The following ATG2A variants were observed in gnomAD, a reference collection of about 807,000 sequenced individuals.
ATG2A encodes the protein autophagy related 2A, also known as autophagy-related protein 2 homolog A.
In ATG2A, 103 loss-of-function variants were observed where a neutral mutation model predicts 214.2. That is an observed-to-expected ratio of 0.48 (90% confidence interval 0.41 to 0.57). The LOEUF (loss-of-function observed/expected upper bound fraction) is 0.57, where lower values mean the gene tolerates loss of function less well. ATG2A is among the 20% of genes least tolerant of loss of function. The probability of loss-of-function intolerance (pLI) is 0.00; values close to 1 mark genes in which losing one functional copy is unlikely to be tolerated. For missense variants in ATG2A, 2,312 were observed against 2,613.2 expected (o/e 0.88, Z 2.51); for synonymous variants, 1,160 against 1,142.1 (o/e 1.02, Z -0.32).
chr11:64,894,961 G>A lies in ATG2A; in HGVS notation c.*12C>T. On this transcript the variant is annotated 3_prime_UTR_variant, in exon 41 of 41. Coordinates refer to ENST00000377264, the MANE Select transcript of ATG2A (RefSeq NM_015104.3). ...GGTGGGCAGCACCCTCTGGGTGCCG[G>A]GCACCCCAGGCTCAGTCTTGGGCAC... 6.2e-7 allele frequency: 1 copy of A among 1,611,098 alleles called. No individual in the cohort carries two copies. The highest frequency in any genetic ancestry group is 8.5e-7 in the Non-Finnish European group (1 of 1,178,622).
At chr11:64,908,759 A>G (rs577531010) in intron 16 of ATG2A, among the ~76,000 whole-genome samples, 43 of 152,276 alleles carry the variant, frequency 2.8e-4, no homozygotes, top group African/African-American at 8.7e-4. Context: ...GATCTTTCCA[A>G]TCGAGGACCC....
At chr11:64,915,766 G>C (rs1164086791) in intron 1 of ATG2A, among the ~76,000 whole-genome samples, 2 of 152,064 alleles carry the variant, frequency 1.3e-5, no homozygotes, top group Non-Finnish European at 2.9e-5. Flanking sequence ...ATCCCTTCAG[G>C]GGTTCAAGGC....
chr11:64,912,440 C>T lies in ATG2A; in HGVS notation c.826-17G>A, dbSNP rs35018821. The T allele has an allele frequency of 1.3e-3, 1,948 of 1,542,684 alleles. 4 individuals carry two copies. The highest frequency in any genetic ancestry group is 1.3e-3 in the Non-Finnish European group (1,491 of 1,143,930). On this transcript the variant is annotated splice_polypyrimidine_tract_variant and intron_variant, in intron 6 of 40. Coordinates refer to ENST00000377264, the MANE Select transcript of ATG2A (RefSeq NM_015104.3). ...CACCTCCAACTGGGGGCCAAGGAGGCAGCCATGGAGCCTAGGCCCACCACC... is the reference window on the plus strand; with the variant it reads ...CACCTCCAACTGGGGGCCAAGGAGGTAGCCATGGAGCCTAGGCCCACCACC...
rs770184971 is a variant in ATG2A, at chr11:64,898,755, G to A, written c.4552C>T (p.Arg1518Cys). 2.5e-6 allele frequency: 4 copies of A among 1,613,948 alleles called. No individual in the cohort carries two copies. Among genetic ancestry groups the A allele is most frequent in the East Asian group, 2.2e-5 (1 of 44,868 alleles). Residue 1518 changes from arginine (R) to cysteine (C), a missense_variant, in exon 32 of 41, where the codon CGT becomes TGT. Arg to Cys is a radical substitution (Grantham distance 180). Transcript: ENST00000377264. The surrounding 1 kb of genome is among the most constrained non-coding windows in gnomAD (Gnocchi z 4.5). ...SQELEERPLSRQVFIVQELEV... is the reference protein window; with the variant it reads ...SQELEERPLSCQVFIVQELEV... Reference sequence around the variant, plus strand: ...AGCTCCTGCACGATGAACACCTGACGGGACAGCGGTCGCTCCTCCAGCTCC... The same window carrying A: ...AGCTCCTGCACGATGAACACCTGACAGGACAGCGGTCGCTCCTCCAGCTCC...
At chr11:64,907,184 C>T (rs1268680748) in intron 19 of ATG2A, 71 bp downstream of exon 19, 16 of 1,430,786 alleles carry the variant, frequency 1.1e-5, no homozygotes, top group South Asian at 1.5e-5. Context: ...TGGAGCTGCT[C>T]GCGCTGGTCT....
In ATG2A at chr11:64,898,994, A is replaced by G. The variant is rs1590624870; in HGVS notation, c.4465-152T>C. 1.7e-5 allele frequency: 12 copies of G among 689,588 alleles called. No homozygotes were observed. Among genetic ancestry groups the G allele is most frequent in the Non-Finnish European group, 2.9e-5 (12 of 417,192 alleles). 42.7% of individuals were successfully genotyped at this position (689,588 alleles called of 1,614,324 possible). A position where few individuals can be genotyped will look rare whatever the true frequency, so the allele number is the denominator to read the frequency against. On this transcript the variant is annotated intron_variant, in intron 31 of 40. Coordinates refer to ENST00000377264, the MANE Select transcript of ATG2A (RefSeq NM_015104.3). The surrounding 1 kb of genome is among the most constrained non-coding windows in gnomAD (Gnocchi z 4.5). ...AGTGGCGTGATCTCGGCTCACTGCA[A>G]CCTCTGCCTCTCGGGTTCAAGCGAT...
At chr11:64,906,065 G>A (rs768071238) in intron 22 of ATG2A, 48 bp downstream of exon 22, 2 of 1,538,776 alleles carry the variant, frequency 1.3e-6, no homozygotes, top group South Asian at 2.4e-5. Context: ...GCCCAAAACA[G>A]AAGTCCAGAG....
In ATG2A at chr11:64,917,095, T is replaced by C. The variant is rs746640151; in HGVS notation, c.41A>G (p.Glu14Gly). The C allele has an allele frequency of 6.2e-7, 1 of 1,613,150 alleles. No individual in the cohort carries two copies. Among genetic ancestry groups the C allele is most frequent in the South Asian group, 1.1e-5 (1 of 91,066 alleles). The change falls in exon 1 of 41, where the codon GAG becomes GGG. Residue 14 changes from glutamate to glycine, a missense_variant. Glu to Gly is a moderately conservative substitution (Grantham distance 98, BLOSUM62 -2). Coordinates refer to ENST00000377264, the MANE Select transcript of ATG2A (RefSeq NM_015104.3). ...WLWPWSNCVK[E>G]RVCRYLLHHY... ...GTGCAGCAAGTAGCGGCAGACCCGC[T>C]CTTTCACACAGTTTGACCATGGCCA...
At position 64,897,684 on chromosome 11, in the gene ATG2A, G is replaced by A. The variant is rs749259090; in HGVS notation, c.5054C>T (p.Thr1685Met). The stretch of plus-strand genomic sequence containing the variant: ...CGCCCCACTTACCACCTGGTCCATC[G>A]TGACGTGCTTGCCATGGTAATCCAG... The part of the protein sequence containing the change: ...IWLDYHGKHV[T>M]MDQVGTFAGL... Residue 1685 changes from threonine (T) to methionine (M), a missense_variant, in exon 36 of 41, where the codon ACG becomes ATG. By Grantham distance (81) the Thr-to-Met change is moderately conservative. Coordinates refer to ENST00000377264, the MANE Select transcript of ATG2A (RefSeq NM_015104.3). 1.9e-6 allele frequency: 3 copies of A among 1,614,246 alleles called. No homozygotes were observed. The highest frequency in any genetic ancestry group is 2.5e-6 in the Non-Finnish European group (3 of 1,180,038).
rs1400345550 is a variant in ATG2A, at chr11:64,901,954, C to A, written c.4119+8G>T. 35 of 1,611,676 alleles carry A rather than the reference C, an allele frequency of 2.2e-5. No homozygotes were observed. The highest frequency in any genetic ancestry group is 3.0e-5 in the Non-Finnish European group (35 of 1,179,992). On this transcript the variant is annotated splice_region_variant and intron_variant, in intron 29 of 40. Coordinates refer to ENST00000377264, the MANE Select transcript of ATG2A (RefSeq NM_015104.3). ...ACGGCAAACTGGTCCATCCCTCCCA[C>A]CACGCACCGGGATGCCCAGGCCGGG...
At position 64,894,999 on chromosome 11, in the gene ATG2A, A is replaced by G. The variant is rs1944096742; in HGVS notation, c.5791T>C (p.Trp1931Arg). ...PDAHKDHALK[W>R]RSDSAQD ...CAGTCTTGGGCACTGTCCGAGCGCC[A>G]CTTGAGGGCGTGGTCCTTGTGGGCG... is the stretch of plus-strand genomic sequence containing the variant. Residue 1931 changes from tryptophan (W) to arginine (R), a missense_variant, in exon 41 of 41, where the codon TGG becomes CGG. Trp to Arg is a moderately radical substitution (Grantham distance 101, BLOSUM62 -3). Transcript: ENST00000377264. 1 of 1,612,422 alleles carries G rather than the reference A, an allele frequency of 6.2e-7. No homozygotes were observed. The highest frequency in any genetic ancestry group is 8.5e-7 in the Non-Finnish European group (1 of 1,179,126).
chr11:64,907,047 C>T (rs530857117), intron 19 of ATG2A, among the ~76,000 whole-genome samples: 2 of 152,342 alleles, frequency 1.3e-5, no homozygotes, highest in South Asian at 4.1e-4. Flanking sequence ...CCATCCCGAC[C>T]CCTAGCATGG....
At chr11:64,904,550 A>T (rs1011779287) in intron 24 of ATG2A, among the ~76,000 whole-genome samples, 3 of 152,148 alleles carry the variant, frequency 2.0e-5, no homozygotes, top group Admixed American at 6.5e-5. Context: ...TCTCAAAAAA[A>T]AAAAATAAAT....
intron 3 of ATG2A, 28 bp downstream of exon 3, chr11:64,914,053 A>G (rs998766994): frequency 4.6e-6 from 7 of 1,538,024 alleles, no homozygotes; most frequent in African/African-American, 2.7e-5. Flanking sequence ...AGGGCAGGAG[A>G]CAGGGCGGCC....
At chr11:64,911,745 C>T (rs1033263591) in intron 9 of ATG2A, 97 bp downstream of exon 9, 39 of 1,508,184 alleles carry the variant, frequency 2.6e-5, no homozygotes, top group African/African-American at 8.3e-5. Context: ...ATCCAGGCAT[C>T]GCTGGGGATT....
At chr11:64,904,347 C>A (rs1031487559) in intron 24 of ATG2A, among the ~76,000 whole-genome samples, 2 of 151,988 alleles carry the variant, frequency 1.3e-5, no homozygotes, top group African/African-American at 4.8e-5. Context: ...GAGTTCGAGA[C>A]CAGCCTGACC....
At chr11:64,915,102 A>G (rs1038727856) in intron 1 of ATG2A, among the ~76,000 whole-genome samples, 1 of 150,940 alleles carries the variant, frequency 6.6e-6, no homozygotes, top group Non-Finnish European at 1.5e-5. Flanking sequence ...GACAGTGTCC[A>G]AGAGAGGGGC....
Position 64,897,925 on chromosome 11 carries a change from G to C in ATG2A, c.4908C>G (p.Ala1636=). Residue 1636 remains alanine, a synonymous_variant, in exon 35 of 41, where the codon GCC becomes GCG. Transcript: ENST00000377264. ...GCGAACCAGTGGTCTCTACGCCTTC[G>C]GCCTGCCCTTCCAGGGGGCTGCTGG... ...AQPSSPLEGQ[A]EGVETTGSQE... 6.4e-7 allele frequency: 1 copy of C among 1,551,482 alleles called. No homozygotes were observed.
At chr11:64,896,342 A>G in intron 39 of ATG2A, 120 bp downstream of exon 39, 1 of 1,363,034 alleles carries the variant, frequency 7.3e-7, no homozygotes, top group Non-Finnish European at 9.9e-7. Flanking sequence ...TCTATAAAGT[A>G]GGGCTGTCAT....
Sources: gnomAD v4.1 joint callset for allele counts (sites outside exome capture counted in the v4.1 genomes callset) on GRCh38, gnomAD v4.1.1 for gene constraint, Gnocchi (gnomAD v3.1) non-coding constraint, MANE v1.5 for transcripts, NCBI Gene and HGNC (gene_info 2026-07-23, HGNC 2026-07-21) for gene names.